The following FOXL3 variants were observed in gnomAD, a reference collection of about 807,000 sequenced individuals.
FOXL3 encodes the protein forkhead box protein L3.
Under a neutral mutation model 10.9 loss-of-function variants are expected in FOXL3, and 16 were observed. That is an observed-to-expected ratio of 1.46 (90% confidence interval 0.99 to 2.22). The LOEUF (loss-of-function observed/expected upper bound fraction) is 2.22. Ranked by LOEUF, FOXL3 falls within the 30% of genes most tolerant of loss-of-function variation. The pLI, the probability that FOXL3 is intolerant of heterozygous loss-of-function variation, is 0.00. For synonymous variants in FOXL3, 170 were observed against 152.0 expected, an observed-to-expected ratio of 1.12 and a Z score of -0.87; for missense variants, 400 against 337.9, an observed-to-expected ratio of 1.18 and a Z score of -1.44.
rs1327224115 is a variant in FOXL3, at chr7:291,245, G to T, written c.459G>T (p.Pro153=). 3 of 1,167,138 alleles carry T rather than the reference G, an allele frequency of 2.6e-6. No homozygotes were observed. The highest frequency in any genetic ancestry group is 3.2e-6 in the Non-Finnish European group (3 of 946,652). 72.3% of individuals were successfully genotyped at this position (1,167,138 alleles called of 1,614,324 possible). A position where few individuals can be genotyped will look rare whatever the true frequency, so the allele number is the denominator to read the frequency against. ...GGGGCGCCCAGGGGCCGTCGGGTCC[G>T]TCCGAGCCGCCCGCCGCTCAGGGGC... ...RAGGAQGPSG[P]SEPPAAQGRL... Residue 153 remains proline, a synonymous_variant, in exon 3 of 3, where the codon CCG becomes CCT. Coordinates refer to ENST00000506382, the MANE Select transcript of FOXL3 (RefSeq NM_001374838.1).
chr7:290,520 C>T lies in FOXL3; in HGVS notation c.108-133C>T, dbSNP rs138925813. On this transcript the variant is annotated intron_variant, in intron 1 of 2. Transcript: ENST00000506382. Reference sequence around the variant, plus strand: ...TCTGGGGTCTGGGTGGCGCCGGGGACCGCGAGCTGCGGGGACACTTTCCCC... The same window carrying T: ...TCTGGGGTCTGGGTGGCGCCGGGGATCGCGAGCTGCGGGGACACTTTCCCC... The T allele has an allele frequency of 9.1e-3, 9,095 of 997,270 alleles. 66 individuals are homozygous for T. Among genetic ancestry groups the T allele is most frequent in the Non-Finnish European group, 0.01 (7,387 of 703,798 alleles). The allele number at this position is 997,270 out of a possible 1,614,324, so 61.8% of individuals were successfully genotyped here.
Position 290,636 on chromosome 7 carries a change from A to AC in FOXL3, c.108-12dup. On this transcript the variant is annotated splice_polypyrimidine_tract_variant and intron_variant, in intron 1 of 2. Transcript: ENST00000506382. Reference sequence around the variant, plus strand: ...GGCTGCCCGGTGGAGACCCCGCCTGACCCCCGGGCTCCGCAGCTACATCGC... The same window carrying AC: ...GGCTGCCCGGTGGAGACCCCGCCTGACCCCCCGGGCTCCGCAGCTACATCGC... 7.2e-7 allele frequency: 1 copy of AC among 1,393,046 alleles called. No homozygotes were observed. The highest frequency in any genetic ancestry group is 9.3e-7 in the Non-Finnish European group (1 of 1,076,262). 86.3% of individuals were successfully genotyped at this position (1,393,046 alleles called of 1,614,324 possible).
chr7:290,344 G>A (rs1778612539), intron 1 of FOXL3, 68 bp downstream of exon 1: 5 of 1,252,388 alleles, frequency 4.0e-6, no homozygotes, highest in African/African-American at 1.5e-5. Flanking sequence ...CCAGGTAGCC[G>A]GGACCTGCCT....
At position 290,825 on chromosome 7, in the gene FOXL3, A is replaced by C. The variant is rs1011711198; in HGVS notation, c.276+4A>C. 47 of 1,436,674 alleles carry C rather than the reference A, an allele frequency of 3.3e-5. No homozygotes were observed. Among genetic ancestry groups the C allele is most frequent in the Non-Finnish European group, 4.2e-5 (46 of 1,097,866 alleles). The allele number at this position is 1,436,674 out of a possible 1,614,324, so 89.0% of individuals were successfully genotyped here. A position where few individuals can be genotyped will look rare whatever the true frequency, so the allele number is the denominator to read the frequency against. On this transcript the variant is annotated splice_donor_region_variant and intron_variant, in intron 2 of 2. Coordinates refer to ENST00000506382, the MANE Select transcript of FOXL3 (RefSeq NM_001374838.1). ...CCTCAACAGCTGCTTCGTCAAGGTGAGCGCCGCCCCCGACGGGCCCCGGGT... is the reference window on the plus strand; with the variant it reads ...CCTCAACAGCTGCTTCGTCAAGGTGCGCGCCGCCCCCGACGGGCCCCGGGT...
intron 2 of FOXL3, 38 bp downstream of exon 2, chr7:290,859 G>T (rs1281417701): frequency 3.0e-6 from 4 of 1,351,386 alleles, no homozygotes; most frequent in Admixed American, 7.2e-5. Context: ...GTGTCCCAGC[G>T]TGGCGACACC....
Sources: gnomAD v4.1 joint callset for allele counts on GRCh38, gnomAD v4.1.1 for gene constraint, MANE v1.5 for transcripts, NCBI Gene and HGNC (gene_info 2026-07-23, HGNC 2026-07-21) for gene names.